The following CSGALNACT1 variants were observed in gnomAD, a reference collection of about 807,000 sequenced individuals.
CSGALNACT1 encodes the protein chondroitin sulfate N-acetylgalactosaminyltransferase 1.
In CSGALNACT1, 52 loss-of-function variants were observed where a neutral mutation model predicts 51.0. That is an observed-to-expected ratio of 1.02 (90% CI 0.82 to 1.29). The LOEUF (loss-of-function observed/expected upper bound fraction) is 1.29, where lower values mean the gene tolerates loss of function less well. Among genes scored for constraint, CSGALNACT1 ranks in the 50% most tolerant of loss-of-function variants. CSGALNACT1 has a pLI of 0.00. For missense variants in CSGALNACT1, 935 were observed against 679.2 expected, an observed-to-expected ratio of 1.38 and a Z score of -4.19; for synonymous variants, 341 against 254.4, an observed-to-expected ratio of 1.34 and a Z score of -3.24.
intron 1 of CSGALNACT1, among the ~76,000 whole-genome samples, chr8:19,651,527 G>A (rs996607189): frequency 6.6e-6 from 1 of 152,148 alleles, no homozygotes; most frequent in Non-Finnish European, 1.5e-5. Context: ...TTGGTTTTCT[G>A]TTCCTGCATT....
At chr8:19,498,815 A>G (rs572162767) in intron 4 of CSGALNACT1, among the ~76,000 whole-genome samples, 34 of 152,360 alleles carry the variant, frequency 2.2e-4, no homozygotes, top group African/African-American at 7.9e-4. Context: ...TGATATCTCT[A>G]TTAAGGAAAC....
intron 3 of CSGALNACT1, among the ~76,000 whole-genome samples, chr8:19,551,904 G>C (rs908222859): frequency 6.6e-6 from 1 of 152,102 alleles, no homozygotes; most frequent in Non-Finnish European, 1.5e-5. Flanking sequence ...ATAACCGTAA[G>C]TTCAAAAATC....
At chr8:19,521,972 A>C (rs1262294946) in intron 3 of CSGALNACT1, among the ~76,000 whole-genome samples, 1 of 152,176 alleles carries the variant, frequency 6.6e-6, no homozygotes, top group African/African-American at 2.4e-5. Context: ...CACATCTTGT[A>C]TTTCCCTTTC....
At chr8:19,669,832 T>C (rs1719902269) in intron 1 of CSGALNACT1, among the ~76,000 whole-genome samples, 1 of 152,170 alleles carries the variant, frequency 6.6e-6, no homozygotes, top group Non-Finnish European at 1.5e-5. Flanking sequence ...ATTTGCATGC[T>C]GAAAACAGCT....
At chr8:19,544,320 T>A (rs1029810584) in intron 3 of CSGALNACT1, among the ~76,000 whole-genome samples, 1 of 152,162 alleles carries the variant, frequency 6.6e-6, no homozygotes, top group Non-Finnish European at 1.5e-5. Context: ...ATAGAACTAA[T>A]CTCTACTATT....
chr8:19,619,250 G>T (rs941296156), intron 1 of CSGALNACT1, among the ~76,000 whole-genome samples: 1 of 121,146 alleles, frequency 8.3e-6, no homozygotes, highest in Non-Finnish European at 1.9e-5. Context: ...GACAGGGTCG[G>T]GGGGGGGTGG....
At chr8:19,526,359 C>A (rs921858226) in intron 3 of CSGALNACT1, among the ~76,000 whole-genome samples, 1 of 152,152 alleles carries the variant, frequency 6.6e-6, no homozygotes, top group African/African-American at 2.4e-5. Context: ...CTGAGGCAGG[C>A]AGATCACAAG....
At chr8:19,669,111 A>C (rs151177457) in intron 1 of CSGALNACT1, among the ~76,000 whole-genome samples, 1 of 152,352 alleles carries the variant, frequency 6.6e-6, no homozygotes, top group Admixed American at 6.5e-5. Flanking sequence ...TGTGGATTTC[A>C]TTCAAAAGTA....
At chr8:19,731,996 G>A (rs899199978) in intron 1 of CSGALNACT1, among the ~76,000 whole-genome samples, 6 of 152,142 alleles carry the variant, frequency 3.9e-5, no homozygotes, top group African/African-American at 1.2e-4. Flanking sequence ...TTGATAGCAC[G>A]CAGAAAACAA....
chr8:19,754,654 A>G lies in CSGALNACT1; in HGVS notation c.-297+3196T>C, dbSNP rs556671451. Reference sequence around the variant, plus strand: ...AAATCCATCATTTAAGACCACTTTAATTTATTTTTAGGCCTTTGGCTAATG... The same window carrying G: ...AAATCCATCATTTAAGACCACTTTAGTTTATTTTTAGGCCTTTGGCTAATG... On this transcript the variant is annotated intron_variant, in intron 1 of 1. Coordinates refer to the CSGALNACT1 transcript ENST00000517494. Among the ~76,000 whole-genome samples the G allele has an allele frequency of 3.8e-4, 58 of 152,356 alleles. No homozygotes were observed. The South Asian group carries it at 0.012, about 31-fold the overall frequency.
chr8:19,670,032 C>T (rs1048258714), intron 1 of CSGALNACT1, among the ~76,000 whole-genome samples: 1 of 152,036 alleles, frequency 6.6e-6, no homozygotes, highest in African/African-American at 2.4e-5. Context: ...CCAGGTCTAC[C>T]TACTCCTACC....
At chr8:19,542,976 C>A (rs1194530054) in intron 3 of CSGALNACT1, among the ~76,000 whole-genome samples, 1 of 152,058 alleles carries the variant, frequency 6.6e-6, no homozygotes, top group Non-Finnish European at 1.5e-5. Context: ...AAGCAGAGAG[C>A]ATGGTCTAGA....
chr8:19,640,635 T>C lies in CSGALNACT1; in HGVS notation c.-543-38770A>G, dbSNP rs142956991. Among the ~76,000 whole-genome samples, 377 of 152,334 alleles carry C rather than the reference T, an allele frequency of 2.5e-3. 6 individuals are homozygous for C. The highest frequency in any genetic ancestry group is 7.7e-4 in the East Asian group (4 of 5,178). ...TCTAACAGGGAAGCACTATATAGCA[T>C]TTCTCAGTAGTTGATCTGGCACACT... is the stretch of plus-strand genomic sequence containing the variant. On this transcript the variant is annotated intron_variant, in intron 1 of 9. Coordinates refer to the CSGALNACT1 transcript ENST00000332246.
chr8:19,420,410 GAGA>G, exon 7 of CSGALNACT1: 3 of 1,614,176 alleles, frequency 1.9e-6, no homozygotes, highest in Non-Finnish European at 2.5e-6. Context: ...CACAGAAAAA[GAGA>G]AGGACGTTGC....
In CSGALNACT1 at chr8:19,639,324, G is replaced by A. The variant is rs558928341; in HGVS notation, c.-543-37459C>T. On this transcript the variant is annotated intron_variant, in intron 1 of 9. Transcript: ENST00000332246. ...GAGAGACAAACATGTCTACATCATG[G>A]GGTCTGGGGGAAATATGCTAGCTAT... Among the ~76,000 whole-genome samples, 79 of 152,312 alleles carry A rather than the reference G, an allele frequency of 5.2e-4. 2 individuals are homozygous for A. Among genetic ancestry groups the A allele is most frequent in the Middle Eastern group, 6.8e-3 (2 of 294 alleles).
At chr8:19,410,705 T>C (rs544297835) in intron 8 of CSGALNACT1, among the ~76,000 whole-genome samples, 2 of 152,290 alleles carry the variant, frequency 1.3e-5, no homozygotes, top group African/African-American at 2.4e-5. Flanking sequence ...CAGTCTGGCT[T>C]ATGAGCTGGG....
At chr8:19,662,710 T>C (rs2058865111) in intron 1 of CSGALNACT1, among the ~76,000 whole-genome samples, 3 of 152,170 alleles carry the variant, frequency 2.0e-5, no homozygotes, top group Non-Finnish European at 2.9e-5. Flanking sequence ...AAAGACATAT[T>C]TGTCCTGTTT....
At chr8:19,544,071 A>T (rs1033227722) in intron 3 of CSGALNACT1, among the ~76,000 whole-genome samples, 2 of 149,216 alleles carry the variant, frequency 1.3e-5, no homozygotes, top group Admixed American at 6.7e-5. Context: ...TTGTGGGGAC[A>T]TAACTTTTTT....
intron 4 of CSGALNACT1, among the ~76,000 whole-genome samples, chr8:19,484,404 G>A (rs952176864): frequency 5.9e-5 from 9 of 152,210 alleles, no homozygotes; most frequent in African/African-American, 2.2e-4. Flanking sequence ...GATAAGGGTA[G>A]ACTACAGTAA....
Sources: allele counts gnomAD v4.1 joint callset (sites outside exome capture counted in the v4.1 genomes callset), GRCh38; gene constraint gnomAD v4.1.1; transcripts MANE v1.5; gene names NCBI Gene and HGNC (gene_info 2026-07-23, HGNC 2026-07-21).